Variants in MAPK15 observed in about 807,000 individuals in gnomAD.
MAPK15 encodes ERK-7.
Under a neutral mutation model 60.8 loss-of-function variants are expected in MAPK15, and 61 were observed. The ratio of observed to expected loss-of-function variants is 1.00; its 90% CI spans 0.82 to 1.24. The LOEUF is 1.24. Ranked by LOEUF, MAPK15 falls within the 50% of genes most tolerant of loss-of-function variation. The probability of loss-of-function intolerance (pLI) is 0.00; values close to 1 mark genes in which losing one functional copy is unlikely to be tolerated. For synonymous variants in MAPK15, 356 were observed against 319.9 expected, an observed-to-expected ratio of 1.11 and a Z score of -1.21; for missense variants, 808 against 741.1, an observed-to-expected ratio of 1.09 and a Z score of -1.05.
At chr8:143,718,737 C>G in intron 4 of MAPK15, 38 bp from the exon 5 acceptor site, 1 of 975,032 alleles carries the variant, frequency 1.0e-6, no homozygotes, top group Non-Finnish European at 1.4e-6. Flanking sequence ...GCCCCCCCAG[C>G]CCCCCACCCC....
chr8:143,721,795 A>G lies in MAPK15; in HGVS notation c.1373A>G (p.Gln458Arg). ...GRGAAPSLTS[Q>R]AAAQVANQAL... ...GGAGCTGCGCCCTCCCTGACCTCCCAGGCTGCGGCTCAGGTGGCCAACCAG... is the reference window on the plus strand; with the variant it reads ...GGAGCTGCGCCCTCCCTGACCTCCCGGGCTGCGGCTCAGGTGGCCAACCAG... The change falls in exon 13 of 14, where the codon CAG (glutamine) becomes CGG (arginine). Residue 458 changes from glutamine to arginine, a missense_variant. Gln to Arg is a conservative substitution (Grantham distance 43, BLOSUM62 1). Transcript: ENST00000338033. 1 of 1,613,070 alleles carries G rather than the reference A, an allele frequency of 6.2e-7. No individual in the cohort carries two copies. The highest frequency in any genetic ancestry group is 8.5e-7 in the Non-Finnish European group (1 of 1,179,792).
In MAPK15 at chr8:143,720,796, G is replaced by A. The variant is rs891977510; in HGVS notation, c.873G>A (p.Lys291=). The change falls in exon 9 of 14, where the codon AAG becomes AAA. Residue 291 remains lysine (K), a synonymous_variant. Coordinates refer to ENST00000338033, the MANE Select transcript of MAPK15 (RefSeq NM_139021.3). This position sits in a 1 kb window ranked among gnomAD's most constrained non-coding sequence, Gnocchi z 4.6. ...GACTCCTGGTGTTCGCCCCGGACAA[G>A]CGGTTAAGCGCGACCCAGGCACTGC... ...LRRLLVFAPD[K]RLSATQALQH... is the part of the protein sequence containing the mutation. 16 of 1,613,634 alleles carry A rather than the reference G, an allele frequency of 9.9e-6. No homozygotes were observed. Among genetic ancestry groups the A allele is most frequent in the Non-Finnish European group, 1.2e-5 (14 of 1,179,892 alleles).
At position 143,720,978 on chromosome 8, in the gene MAPK15, C is replaced by T. The variant is rs1554619601; in HGVS notation, c.918-22C>T. The T allele has an allele frequency of 6.3e-7, 1 of 1,599,396 alleles. No homozygotes were observed. Among genetic ancestry groups the T allele is most frequent in the South Asian group, 1.1e-5 (1 of 89,794 alleles). On this transcript the variant is annotated intron_variant, in intron 9 of 13. Transcript: ENST00000338033. This position sits in a 1 kb window ranked among gnomAD's most constrained non-coding sequence, Gnocchi z 4.6. Reference sequence around the variant, plus strand: ...GGCTCCCTTGGCCGCAGCCCGGGCCCCACCTCCCTGGCTCCCTGCAGGTTC... The same window carrying T: ...GGCTCCCTTGGCCGCAGCCCGGGCCTCACCTCCCTGGCTCCCTGCAGGTTC...
Position 143,720,843 on chromosome 8 carries a change from G to C in MAPK15, c.917+3G>C. On this transcript the variant is annotated splice_donor_region_variant and intron_variant, in intron 9 of 13. Coordinates refer to ENST00000338033, the MANE Select transcript of MAPK15 (RefSeq NM_139021.3). The surrounding 1 kb of genome is among the most constrained non-coding windows in gnomAD (Gnocchi z 4.6). The stretch of plus-strand genomic sequence containing the variant: ...CTGCAGCACCCCTACGTGCAGAGGT[G>C]GGGGTGGGAGAGAGTCCCCCAAGTG... 4 of 1,610,920 alleles carry C rather than the reference G, an allele frequency of 2.5e-6. No homozygotes were observed. The highest frequency in any genetic ancestry group is 1.1e-5 in the South Asian group (1 of 91,010).
intron 1 of MAPK15, among the ~76,000 whole-genome samples, 155 bp from the exon 2 acceptor site, chr8:143,717,539 G>A (rs908861703): frequency 2.6e-5 from 4 of 152,252 alleles, no homozygotes; most frequent in African/African-American, 9.6e-5. Flanking sequence ...GGAAGATGTC[G>A]GAGTCTAGGG....
Position 143,718,353 on chromosome 8 carries a change from CG to C in MAPK15, c.286+52del, listed in dbSNP as rs1563748622. On this transcript the variant is annotated intron_variant, in intron 4 of 13. Transcript: ENST00000338033. ...CAGCCCCACCTCTGTTCTGTCCTGA[CG>C]CCGTCTGCGGGTCCCTCTGCGTGTC... The C allele has an allele frequency of 1.9e-6, 3 of 1,550,990 alleles. No individual in the cohort carries two copies. In the South Asian group the frequency reaches 3.3e-5, roughly 17 times the overall value.
Position 143,722,420 on chromosome 8 carries a change from C to G in MAPK15, c.*169C>G. The G allele has an allele frequency of 1.8e-6, 1 of 551,874 alleles. No individual in the cohort carries two copies. Among genetic ancestry groups the G allele is most frequent in the Admixed American group, 3.6e-5 (1 of 27,576 alleles). 34.2% of individuals were successfully genotyped at this position (551,874 alleles called of 1,614,324 possible). ...GAGCAGATGAGGGCCCTGCCCCCGC[C>G]CCACTGACTTCCTCCAATAAAGTCA... is the stretch of plus-strand genomic sequence containing the variant. On this transcript the variant is annotated 3_prime_UTR_variant, in exon 14 of 14. Transcript: ENST00000338033.
rs562461998 is a variant in MAPK15, at chr8:143,720,626, G to A, written c.780-77G>A. The A allele has an allele frequency of 3.9e-6, 6 of 1,537,482 alleles. No homozygotes were observed. In the Admixed American group the frequency reaches 1.0e-4, roughly 26 times the overall value. ...CAGGGTGGACCCCAGTTTGGAAGCT[G>A]AGCCCCCAGCCACGAACATGGATCT... On this transcript the variant is annotated intron_variant, in intron 8 of 13. Coordinates refer to ENST00000338033, the MANE Select transcript of MAPK15 (RefSeq NM_139021.3). This position sits in a 1 kb window ranked among gnomAD's most constrained non-coding sequence, Gnocchi z 4.6.
intron 7 of MAPK15, among the ~76,000 whole-genome samples, chr8:143,719,862 G>A (rs1258100910): frequency 1.3e-5 from 2 of 152,110 alleles, no homozygotes; most frequent in Non-Finnish European, 2.9e-5. Flanking sequence ...AGAGGTGGAG[G>A]AAGGCAGTGG....
rs782470528 is a variant in MAPK15 at position 143,717,747 on chromosome 8, C to A, written c.120C>A (p.Ala40=). The change falls in exon 2 of 14, where the codon GCC becomes GCA. Residue 40 remains alanine (A), a synonymous_variant. Transcript: ENST00000338033. The part of the protein sequence containing the change: ...AVDRRTGEVV[A]IKKIFDAFRD... ...ACCGGAGGACTGGTGAGGTCGTGGC[C>A]ATCAAGAAAATCTTTGATGCTTTTA... 6.2e-7 allele frequency: 1 copy of A among 1,612,530 alleles called. No individual in the cohort carries two copies. Among genetic ancestry groups the A allele is most frequent in the Admixed American group, 1.7e-5 (1 of 59,724 alleles).
intron 2 of MAPK15, 111 bp from the exon 3 acceptor site, chr8:143,717,936 G>T (rs572001584): frequency 1.2e-5 from 19 of 1,533,610 alleles, no homozygotes; most frequent in Non-Finnish European, 1.7e-5. Context: ...CCCTTGCCAC[G>T]CCTGGTCTGG....
rs781881995 is a variant in MAPK15, at chr8:143,721,018, C to T, written c.936C>T (p.Asp312=). 3.2e-5 allele frequency: 52 copies of T among 1,611,142 alleles called. No individual in the cohort carries two copies. Among genetic ancestry groups the T allele is most frequent in the Non-Finnish European group, 3.8e-5 (45 of 1,179,268 alleles). The change falls in exon 10 of 14, where the codon GAC becomes GAT. Residue 312 remains aspartate (D), a synonymous_variant. Coordinates refer to ENST00000338033, the MANE Select transcript of MAPK15 (RefSeq NM_139021.3). ...PYVQRFHCPS[D]EWAREADVRP... ...CCTGCAGGTTCCACTGCCCCAGCGACGAGTGGGCACGAGAGGCAGATGTGC... is the reference window on the plus strand; with the variant it reads ...CCTGCAGGTTCCACTGCCCCAGCGATGAGTGGGCACGAGAGGCAGATGTGC...
intron 4 of MAPK15, 40 bp from the exon 5 acceptor site, chr8:143,718,727 GCCCCCCCA>G: frequency 7.8e-6 from 4 of 514,506 alleles, no homozygotes; most frequent in Non-Finnish European, 1.3e-5. Context: ...CCCCCAGGTT[GCCCCCCCA>G]GCCCCCCACC....
chr8:143,722,091 C>T lies in MAPK15; in HGVS notation c.1475C>T (p.Pro492Leu). ...TGTACACAGGTCCCTCCCCGGCTTC[C>T]TCCGGAGGCCCGGCCCGGCCGGAGG... ...ASVQQVPPRL[P>L]PEARPGRRMF... Residue 492 changes from proline (P) to leucine (L), a missense_variant, in exon 14 of 14, where the codon CCT (proline) becomes CTT (leucine). Transcript: ENST00000338033. 1 of 1,612,350 alleles carries T rather than the reference C, an allele frequency of 6.2e-7. No homozygotes were observed. Among genetic ancestry groups the T allele is most frequent in the African/African-American group, 1.3e-5 (1 of 75,012 alleles).
Position 143,717,680 on chromosome 8 carries a change from G to A in MAPK15, c.67-14G>A, listed in dbSNP as rs1817863323. On this transcript the variant is annotated splice_polypyrimidine_tract_variant and intron_variant, in intron 1 of 13. Coordinates refer to ENST00000338033, the MANE Select transcript of MAPK15 (RefSeq NM_139021.3). ...GGGAAGGGGCTGGCCCTGTGTGACG[G>A]CACTCCTTCCCAGGCCTATGGCATT... 1 of 1,588,184 alleles carries A rather than the reference G, an allele frequency of 6.3e-7. No homozygotes were observed. Among genetic ancestry groups the A allele is most frequent in the Non-Finnish European group, 8.6e-7 (1 of 1,166,750 alleles).
chr8:143,718,727 G>GTCCCCCCC, intron 4 of MAPK15, 48 bp from the exon 5 acceptor site: 3 of 514,522 alleles, frequency 5.8e-6, no homozygotes, highest in Non-Finnish European at 9.5e-6. Context: ...CCCCCAGGTT[G>GTCCCCCCC]CCCCCCCAGC....
rs141386839 is a variant in MAPK15 at position 143,719,000 on chromosome 8, A to G, written c.425A>G (p.Asn142Ser). The G allele has an allele frequency of 2.6e-5, 41 of 1,607,610 alleles. No individual in the cohort carries two copies. Among genetic ancestry groups the G allele is most frequent in the African/African-American group, 5.4e-5 (4 of 74,728 alleles). ...HVVHRDQKPS[N>S]VLLDANCTVK... is the part of the protein sequence containing the mutation. ...CCTGCCTCCTCTCTGCAGCCGTCCA[A>G]TGTGCTCCTGGATGCCAACTGCACA... is the stretch of plus-strand genomic sequence containing the variant. Residue 142 changes from asparagine to serine, a missense_variant, in exon 6 of 14, where the codon AAT becomes AGT. By Grantham distance (46) the Asn-to-Ser change is conservative (BLOSUM62 1). Transcript: ENST00000338033.
At chr8:143,716,553 C>G in intron 1 of MAPK15, 110 bp downstream of exon 1, 2 of 935,202 alleles carry the variant, frequency 2.1e-6, no homozygotes, top group South Asian at 3.9e-5. Context: ...CACACACTGG[C>G]GTCCTGCCTC....
intron 10 of MAPK15, 22 bp downstream of exon 10, chr8:143,721,127 A>C (rs1285975816): frequency 1.9e-6 from 3 of 1,606,514 alleles, no homozygotes; most frequent in Non-Finnish European, 2.6e-6. Context: ...CTCGACCCCT[A>C]TCATCCCCTG....
Sources: allele counts gnomAD v4.1 joint callset (sites outside exome capture counted in the v4.1 genomes callset), GRCh38; gene constraint gnomAD v4.1.1; non-coding constraint Gnocchi (gnomAD v3.1); transcripts MANE v1.5; gene names NCBI Gene and HGNC (gene_info 2026-07-23, HGNC 2026-07-21).